The following LARGE1 variants were observed in gnomAD, a reference collection of about 807,000 sequenced individuals.
The protein encoded by LARGE1 is LARGE xylosyl- and glucuronyltransferase 1.
LARGE1 carries 43 observed loss-of-function variants against 87.6 expected under a neutral mutation model. That is an observed-to-expected ratio of 0.49 (90% CI 0.38 to 0.63). The LOEUF (loss-of-function observed/expected upper bound fraction) is 0.63. Among genes scored for constraint, LARGE1 ranks in the 30% least tolerant of loss-of-function variants. LARGE1 has a pLI of 0.00. For missense variants in LARGE1, 802 were observed against 1,000.2 expected, an observed-to-expected ratio of 0.80 and a Z score of 2.67; for synonymous variants, 434 against 394.6, an observed-to-expected ratio of 1.10 and a Z score of -1.18.
chr22:33,849,996 G>C (rs1002098498), intron 1 of LARGE1, among the ~76,000 whole-genome samples: 1 of 152,188 alleles, frequency 6.6e-6, no homozygotes. Flanking sequence ...ATTAAAGAAG[G>C]AGCCCAGGGT....
At chr22:33,450,727 A>G (rs1279312672) in intron 6 of LARGE1, among the ~76,000 whole-genome samples, 1 of 152,216 alleles carries the variant, frequency 6.6e-6, no homozygotes, top group East Asian at 1.9e-4. Flanking sequence ...AACTGATGAA[A>G]CTGACTTGCT....
the LARGE1 span, among the ~76,000 whole-genome samples, chr22:33,135,697 G>A: frequency 4.2e-3 from 634 of 152,078 alleles, 6 homozygotes; most frequent in African/African-American, 0.013. Context: ...AAAATTAGCC[G>A]GGCACGGTGG....
At chr22:33,916,940 A>G (rs1432095856) in intron 1 of LARGE1, among the ~76,000 whole-genome samples, 2 of 152,206 alleles carry the variant, frequency 1.3e-5, no homozygotes, top group Non-Finnish European at 2.9e-5. Context: ...ATCAATCTAT[A>G]AAGTCTTAAT....
At chr22:33,776,155 T>C (rs1406785053) in intron 1 of LARGE1, among the ~76,000 whole-genome samples, 3 of 152,212 alleles carry the variant, frequency 2.0e-5, no homozygotes, top group Non-Finnish European at 2.9e-5. Context: ...CTCCCTTGGC[T>C]TGGGGAAGTG....
intron 2 of LARGE1, among the ~76,000 whole-genome samples, chr22:33,716,210 T>C (rs995392376): frequency 3.3e-5 from 5 of 152,278 alleles, no homozygotes; most frequent in East Asian, 3.9e-4. Context: ...GGCCGTTAGA[T>C]TTGAATTTAT....
At chr22:33,814,594 G>C (rs925125341) in intron 1 of LARGE1, among the ~76,000 whole-genome samples, 1 of 152,174 alleles carries the variant, frequency 6.6e-6, no homozygotes, top group Non-Finnish European at 1.5e-5. Context: ...TCCTGGAAGA[G>C]AAATTCTGCC....
At chr22:33,699,776 A>G (rs1295306231) in intron 2 of LARGE1, among the ~76,000 whole-genome samples, 3 of 152,230 alleles carry the variant, frequency 2.0e-5, no homozygotes, top group Non-Finnish European at 4.4e-5. Context: ...TGATTTAATT[A>G]AAAGATTTCT....
At chr22:33,082,815 G>T in the LARGE1 span, among the ~76,000 whole-genome samples, 1 of 152,114 alleles carries the variant, frequency 6.6e-6, no homozygotes. Flanking sequence ...CATGAGGTCA[G>T]GAGATCGAGA....
At chr22:33,693,440 G>A (rs1338179329) in intron 2 of LARGE1, among the ~76,000 whole-genome samples, 1 of 151,922 alleles carries the variant, frequency 6.6e-6, no homozygotes, top group Non-Finnish European at 1.5e-5. Context: ...AGTGAGGGAG[G>A]GAAGGAAGGG....
chr22:33,099,725 T>C, the LARGE1 span, among the ~76,000 whole-genome samples: 7 of 152,032 alleles, frequency 4.6e-5, no homozygotes, highest in Non-Finnish European at 7.4e-5. Flanking sequence ...CACCAGAGGA[T>C]GACAATAAAT....
At chr22:33,222,932 GC>G (rs749987993) in intron 11 of LARGE1, among the ~76,000 whole-genome samples, 6 of 152,018 alleles carry the variant, frequency 3.9e-5, no homozygotes, top group East Asian at 1.9e-4. Context: ...AGAGTTGCAG[GC>G]CCCCCCAGTC....
At chr22:33,118,115 C>A in the LARGE1 span, among the ~76,000 whole-genome samples, 1 of 152,116 alleles carries the variant, frequency 6.6e-6, no homozygotes, top group Non-Finnish European at 1.5e-5. Flanking sequence ...GGTGGGGACA[C>A]ACATCCAAAC....
chr22:33,229,294 A>G (rs1323302310), intron 11 of LARGE1, among the ~76,000 whole-genome samples: 1 of 152,190 alleles, frequency 6.6e-6, no homozygotes, highest in Non-Finnish European at 1.5e-5. Flanking sequence ...AACATAATAA[A>G]TTATAATGAA....
intron 9 of LARGE1, among the ~76,000 whole-genome samples, chr22:33,378,774 C>T (rs1052183783): frequency 6.6e-6 from 1 of 151,264 alleles, no homozygotes; most frequent in African/African-American, 2.5e-5. Flanking sequence ...GTGGCTTAGT[C>T]CCACGAGGCT....
chr22:33,848,843 C>T (rs552819836), intron 1 of LARGE1, among the ~76,000 whole-genome samples: 8 of 152,242 alleles, frequency 5.3e-5, no homozygotes, highest in East Asian at 1.9e-4. Context: ...GATGCCTCTT[C>T]GGGTCTGTAG....
At chr22:33,124,395 A>AGGAAGGAAGGAAAG in the LARGE1 span, among the ~76,000 whole-genome samples, 21 of 148,114 alleles carry the variant, frequency 1.4e-4, no homozygotes, top group South Asian at 2.2e-4. Flanking sequence ...GGAGGAAGGA[A>AGGAAGGAAGGAAAG]AATGATGGCT....
chr22:33,350,435 T>A (rs1569083764), intron 9 of LARGE1, among the ~76,000 whole-genome samples: 1 of 152,198 alleles, frequency 6.6e-6, no homozygotes, highest in Non-Finnish European at 1.5e-5. Context: ...TGTATTCACA[T>A]TTTAGCCTCC....
rs368924028 is a variant in LARGE1 at position 33,469,827 on chromosome 22, TAAAAACAAAAAACA to T, written c.788-37576_788-37563del. On this transcript the variant is annotated intron_variant, in intron 6 of 14. Transcript: ENST00000397394. ...TGGGCGACAGAGTGAGACTCCATCT[TAAAAACAAAAAACA>T]AAAAACAAAAAACAAAAAACCATCT... 4.7e-3 allele frequency among the ~76,000 whole-genome samples: 638 copies of T among 135,846 alleles called. 8 individuals carry two copies. The highest frequency in any genetic ancestry group is 0.017 in the African/African-American group (601 of 35,984). 89.1% of individuals were successfully genotyped at this position (135,846 alleles called of 152,430 possible).
chr22:33,249,255 T>C (rs1926906782), intron 11 of LARGE1, among the ~76,000 whole-genome samples: 1 of 152,248 alleles, frequency 6.6e-6, no homozygotes, highest in Non-Finnish European at 1.5e-5. Context: ...TGTAGTGGCA[T>C]ATCATTGTTG....
Sources: gnomAD v4.1 joint callset for allele counts (sites outside exome capture counted in the v4.1 genomes callset) on GRCh38, gnomAD v4.1.1 for gene constraint, MANE v1.5 for transcripts, NCBI Gene and HGNC (gene_info 2026-07-23, HGNC 2026-07-21) for gene names.